Variants in RTN4 observed in about 807,000 individuals in gnomAD.
The protein encoded by RTN4 is reticulon 4, also known as reticulon-4.
RTN4 carries 32 observed loss-of-function variants against 90.4 expected under a neutral mutation model. The ratio of observed to expected loss-of-function variants is 0.35; its 90% CI spans 0.27 to 0.48. RTN4 has a LOEUF of 0.48. Ranked by LOEUF, RTN4 falls within the 20% of genes least tolerant of loss-of-function variation. RTN4 has a pLI of 0.99. For synonymous variants in RTN4, 629 were observed against 552.5 expected (o/e 1.14, Z -1.94); for missense variants, 1,706 against 1,430.2 (o/e 1.19, Z -3.11).
chr2:54,972,386 A>AAAATT lies in RTN4; in HGVS notation c.*765_*769dup, dbSNP rs1677114698. On this transcript the variant is annotated 3_prime_UTR_variant, in exon 9 of 9. Transcript: ENST00000337526. ...AGATTCAGTCCATAGATTCTGTGAC[A>AAAATT]AAATTAACTACAGTCAGTCTGTGCA... 1 of 152,332 alleles carries AAAATT rather than the reference A, an allele frequency of 6.6e-6. No homozygotes were observed. Among genetic ancestry groups the AAAATT allele is most frequent in the Non-Finnish European group, 1.5e-5 (1 of 67,978 alleles). 9.4% of individuals were successfully genotyped at this position (152,332 alleles called of 1,614,324 possible). A position where few individuals can be genotyped will look rare whatever the true frequency, so the allele number is the denominator to read the frequency against.
Position 55,060,504 on chromosome 2 carries a change from C to T in RTN4, c.-63+19985G>A, listed in dbSNP as rs376657401. The T allele has an allele frequency of 3.3e-5, 5 of 152,168 alleles. 1 individual carries two copies. The East Asian group carries it at 7.7e-4, about 23-fold the overall frequency. 9.4% of individuals were successfully genotyped at this position (152,168 alleles called of 1,614,324 possible). ...CCTTTATCATCCTCACATATTCATT[C>T]GTTTAACAAATATGCAAGGAGTGCT... On this transcript the variant is annotated intron_variant, in intron 2 of 3. Coordinates refer to the RTN4 transcript ENST00000427710.
At chr2:55,007,819 T>C (rs1680340898) in intron 3 of RTN4, among the ~76,000 whole-genome samples, 2 of 152,064 alleles carry the variant, frequency 1.3e-5, no homozygotes, top group African/African-American at 2.4e-5. Context: ...ACCAATCTTA[T>C]CTTTCAACTC....
At position 55,066,199 on chromosome 2, in the gene RTN4, G is replaced by T. The variant is rs55641909; in HGVS notation, c.-63+14290C>A. 6.8e-3 allele frequency among the ~76,000 whole-genome samples: 802 copies of T among 118,696 alleles called. 7 individuals carry two copies. The highest frequency in any genetic ancestry group is 0.031 in the African/African-American group (757 of 24,644). The allele number at this position is 118,696 out of a possible 152,430, so 77.9% of individuals were successfully genotyped here. A position where few individuals can be genotyped will look rare whatever the true frequency, so the allele number is the denominator to read the frequency against. On this transcript the variant is annotated intron_variant, in intron 2 of 3. Coordinates refer to the RTN4 transcript ENST00000427710. ...TGTGTGTGTGTGTGTGTGTTTGTGT[G>T]TGTGTGTGTGTGTGTGTGTGTGTAT...
the RTN4 span, among the ~76,000 whole-genome samples, chr2:55,132,489 T>A: frequency 7.3e-6 from 1 of 136,424 alleles, no homozygotes; most frequent in Non-Finnish European, 1.6e-5. Context: ...GGCAACAGAG[T>A]GAGACTCTGT....
rs776298868 is a variant in RTN4 at position 55,025,091 on chromosome 2, G to A, written c.3008C>T (p.Thr1003Ile). The change falls in exon 3 of 9, where the codon ACT becomes ATT. Residue 1003 changes from threonine (T) to isoleucine (I), a missense_variant. Transcript: ENST00000337526. The part of the protein sequence containing the change: ...SAIFSAELSK[T>I]SVVDLLYWRD... ...CTGCATATAGATTGGATTACCTGAA[G>A]TTTTACTCAGCTCTGCTGAAAATAT... is the stretch of plus-strand genomic sequence containing the variant. 6.3e-7 allele frequency: 1 copy of A among 1,597,238 alleles called. No individual in the cohort carries two copies. Among genetic ancestry groups the A allele is most frequent in the Admixed American group, 1.7e-5 (1 of 57,158 alleles).
intron 2 of RTN4, among the ~76,000 whole-genome samples, chr2:55,056,315 GT>G (rs1668189856): frequency 6.6e-6 from 1 of 152,032 alleles, no homozygotes; most frequent in African/African-American, 2.4e-5. Flanking sequence ...GGCTGTCATG[GT>G]ATCACAGTGC....
At chr2:55,028,309 T>G in intron 1 of RTN4, 89 bp from the exon 2 acceptor site, 1 of 1,170,378 alleles carries the variant, frequency 8.5e-7, no homozygotes, top group Non-Finnish European at 1.2e-6. Flanking sequence ...GGGTTCAGTT[T>G]GTAATAAGTT....
At chr2:55,042,264 G>C (rs1451186903) in intron 1 of RTN4, among the ~76,000 whole-genome samples, 1 of 152,126 alleles carries the variant, frequency 6.6e-6, no homozygotes, top group East Asian at 1.9e-4. Context: ...ATCCTTTGAA[G>C]CAGTAATTCT....
chr2:55,115,600 A>C (rs1668109720), upstream of RTN4, among the ~76,000 whole-genome samples: 1 of 152,098 alleles, frequency 6.6e-6, no homozygotes, highest in Non-Finnish European at 1.5e-5. Context: ...GCTGGGGTCC[A>C]CCCCCGTCTT....
At chr2:54,976,322 C>A (rs547624292) in intron 5 of RTN4, among the ~76,000 whole-genome samples, 2 of 152,302 alleles carry the variant, frequency 1.3e-5, no homozygotes, top group African/African-American at 4.8e-5. Context: ...ATGTCACTTG[C>A]CTCTTTGAGA....
In RTN4 at chr2:54,972,963, T is replaced by C. The variant is rs1255296696; in HGVS notation, c.*193A>G. 4.1e-6 allele frequency: 2 copies of C among 491,628 alleles called. No homozygotes were observed. The highest frequency in any genetic ancestry group is 7.3e-6 in the Non-Finnish European group (2 of 272,546). 30.5% of individuals were successfully genotyped at this position (491,628 alleles called of 1,614,324 possible). A position where few individuals can be genotyped will look rare whatever the true frequency, so the allele number is the denominator to read the frequency against. ...TCCATACATAGCAGCTTACAATACTTAAGATGATGAACACATGGCAGTCAA... is the reference window on the plus strand; with the variant it reads ...TCCATACATAGCAGCTTACAATACTCAAGATGATGAACACATGGCAGTCAA... On this transcript the variant is annotated 3_prime_UTR_variant, in exon 9 of 9. Transcript: ENST00000337526.
intron 3 of RTN4, among the ~76,000 whole-genome samples, chr2:55,020,780 C>T (rs958748600): frequency 1.3e-5 from 2 of 152,034 alleles, no homozygotes; most frequent in Admixed American, 1.3e-4. Flanking sequence ...GAGGCAGAGG[C>T]GGGAGGATCC....
the RTN4 span, among the ~76,000 whole-genome samples, chr2:55,127,181 T>G: frequency 1.2e-4 from 19 of 152,068 alleles, no homozygotes; most frequent in South Asian, 1.0e-3. Flanking sequence ...AAAGTAACCT[T>G]TAATTAAAAA....
chr2:55,008,233 C>G (rs985882390), intron 3 of RTN4, among the ~76,000 whole-genome samples: 1 of 151,404 alleles, frequency 6.6e-6, no homozygotes. Flanking sequence ...CTATGCTATA[C>G]TGGTGGTCAG....
At chr2:55,068,381 T>G (rs1668430931) in intron 2 of RTN4, among the ~76,000 whole-genome samples, 1 of 152,166 alleles carries the variant, frequency 6.6e-6, no homozygotes, top group Admixed American at 6.5e-5. Flanking sequence ...CACATTTCCT[T>G]AGATGATATT....
chr2:55,110,792 G>A (rs1668024548), intron 1 of RTN4, among the ~76,000 whole-genome samples: 1 of 152,332 alleles, frequency 6.6e-6, no homozygotes, highest in East Asian at 1.9e-4. Flanking sequence ...TATAATCCCA[G>A]CACTTTGGGA....
At chr2:55,114,572 G>A (rs926450845), upstream of RTN4, among the ~76,000 whole-genome samples, 12 of 152,178 alleles carry the variant, frequency 7.9e-5, no homozygotes, top group South Asian at 2.1e-4. Context: ...GGTGACGCAC[G>A]CCTGTAATCC....
chr2:55,050,411 T>C lies in RTN4; in HGVS notation c.-111A>G. 1 of 566,034 alleles carries C rather than the reference T, an allele frequency of 1.8e-6. No individual in the cohort carries two copies. The highest frequency in any genetic ancestry group is 2.8e-6 in the Non-Finnish European group (1 of 355,342). 35.1% of individuals were successfully genotyped at this position (566,034 alleles called of 1,614,324 possible). A position where few individuals can be genotyped will look rare whatever the true frequency, so the allele number is the denominator to read the frequency against. ...GAGGACTGAGAGGGGCTGGGCCGACTGAGCCGAGGGACCTACTGTGGTGAC... is the reference window on the plus strand; with the variant it reads ...GAGGACTGAGAGGGGCTGGGCCGACCGAGCCGAGGGACCTACTGTGGTGAC... On this transcript the variant is annotated 5_prime_UTR_variant, in exon 1 of 9. Coordinates refer to ENST00000337526, the MANE Select transcript of RTN4 (RefSeq NM_020532.5). The surrounding 1 kb of genome is among the most constrained non-coding windows in gnomAD (Gnocchi z 4.6).
At chr2:54,990,888 G>A (rs1229121719) in intron 3 of RTN4, among the ~76,000 whole-genome samples, 1 of 151,936 alleles carries the variant, frequency 6.6e-6, no homozygotes, top group African/African-American at 2.4e-5. Flanking sequence ...CAGGTTCATG[G>A]CATTCTCCTG....
Sources: allele counts gnomAD v4.1 joint callset (sites outside exome capture counted in the v4.1 genomes callset), GRCh38; gene constraint gnomAD v4.1.1; non-coding constraint Gnocchi (gnomAD v3.1); transcripts MANE v1.5; gene names NCBI Gene and HGNC (gene_info 2026-07-23, HGNC 2026-07-21).